Variants in IL6R observed in about 807,000 individuals in gnomAD.
IL6R encodes interleukin 6 receptor, also known as interleukin-6 receptor subunit alpha.
IL6R carries 38 observed loss-of-function variants against 48.3 expected under a neutral mutation model. The ratio of observed to expected loss-of-function variants is 0.79; its 90% CI spans 0.61 to 1.03. The LOEUF is 1.03. Ranked by LOEUF, IL6R falls within the 50% of genes least tolerant of loss-of-function variation. The probability of loss-of-function intolerance (pLI) is 0.00; values close to 1 mark genes in which losing one functional copy is unlikely to be tolerated. For missense variants in IL6R, 534 were observed against 618.3 expected, an observed-to-expected ratio of 0.86 and a Z score of 1.45; for synonymous variants, 264 against 256.2, an observed-to-expected ratio of 1.03 and a Z score of -0.29.
chr1:154,435,138 G>T lies in IL6R; in HGVS notation c.789G>T (p.Lys263Asn), dbSNP rs747433612. The part of the protein sequence containing the change: ...FELRYRAERS[K>N]TFTTWMVKDL... ...TCAGATATCGGGCTGAACGGTCAAA[G>T]ACATTCACAACATGGATGGTAAATT... is the stretch of plus-strand genomic sequence containing the variant. Residue 263 changes from lysine (K) to asparagine (N), a missense_variant, in exon 5 of 10, where the codon AAG (lysine) becomes AAT (asparagine). Lys to Asn is a moderately conservative substitution (Grantham distance 94). Transcript: ENST00000368485. 3 of 1,614,162 alleles carry T rather than the reference G, an allele frequency of 1.9e-6. No homozygotes were observed. In the South Asian group the frequency reaches 3.3e-5, roughly 18 times the overall value.
chr1:154,432,956 A>G (rs559316247), intron 3 of IL6R, among the ~76,000 whole-genome samples: 6 of 152,218 alleles, frequency 3.9e-5, no homozygotes, highest in South Asian at 2.1e-4. Flanking sequence ...CCCTTGCCCA[A>G]CTGCAGCACT....
intron 1 of IL6R, among the ~76,000 whole-genome samples, chr1:154,409,985 A>G (rs959226811): frequency 2.2e-4 from 33 of 152,306 alleles, no homozygotes; most frequent in East Asian, 3.9e-4. Context: ...GAGATTCCCT[A>G]TATGTCCATC....
intron 9 of IL6R, among the ~76,000 whole-genome samples, chr1:154,464,389 AGGT>A (rs1191590432): frequency 6.6e-6 from 1 of 152,022 alleles, no homozygotes; most frequent in Non-Finnish European, 1.5e-5. Flanking sequence ...TCCTGACCTC[AGGT>A]GATCCGCCCG....
intron 6 of IL6R, chr1:154,437,397 G>C: frequency 2.8e-6 from 1 of 358,696 alleles, no homozygotes; most frequent in Non-Finnish European, 5.9e-6. Flanking sequence ...GTGCCCGGTC[G>C]GAAATTTTTT....
At chr1:154,431,040 C>A (rs1021246685) in intron 3 of IL6R, among the ~76,000 whole-genome samples, 4 of 152,168 alleles carry the variant, frequency 2.6e-5, no homozygotes, top group Admixed American at 1.3e-4. Flanking sequence ...GGGGGTGTAG[C>A]ACAGCCAGAC....
chr1:154,434,400 C>T (rs1452020583), intron 3 of IL6R, 119 bp from the exon 4 acceptor site: 6 of 772,896 alleles, frequency 7.8e-6, no homozygotes, highest in Non-Finnish European at 1.3e-5. Flanking sequence ...CTTAGAGGCA[C>T]AGGGCTTATA....
chr1:154,431,919 AG>A (rs1456109672), intron 3 of IL6R, among the ~76,000 whole-genome samples: 1 of 152,176 alleles, frequency 6.6e-6, no homozygotes, highest in African/African-American at 2.4e-5. Flanking sequence ...AAATTTCTGA[AG>A]TGATTATTTA....
chr1:154,426,155 G>A (rs1315382450), intron 1 of IL6R, among the ~76,000 whole-genome samples: 1 of 108,286 alleles, frequency 9.2e-6, no homozygotes, highest in Non-Finnish European at 1.9e-5. Context: ...CTGAGACCCT[G>A]TATCAGACAC....
rs7354845 is a variant in IL6R, at chr1:154,462,798, T to A, written c.1161-2336T>A. On this transcript the variant is annotated intron_variant, in intron 9 of 9. Coordinates refer to ENST00000368485, the MANE Select transcript of IL6R (RefSeq NM_000565.4). ...TTATTTGGGTGTTATTTTGCTTTTA[T>A]TTAATTAATTAATTAATTTATTTAT... Among the ~76,000 whole-genome samples the A allele has an allele frequency of 8.4e-3, 1,274 of 152,256 alleles. 26 individuals are homozygous for A. Among genetic ancestry groups the A allele is most frequent in the African/African-American group, 0.029 (1,194 of 41,532 alleles).
intron 6 of IL6R, among the ~76,000 whole-genome samples, chr1:154,437,839 G>T (rs1312295758): frequency 6.6e-6 from 1 of 151,024 alleles, no homozygotes; most frequent in African/African-American, 2.4e-5. Context: ...TCAGCCTCCT[G>T]AGTAGCTGGG....
At chr1:154,416,797 A>C (rs1462550678) in intron 1 of IL6R, among the ~76,000 whole-genome samples, 6 of 152,120 alleles carry the variant, frequency 3.9e-5, no homozygotes, top group African/African-American at 1.4e-4. Context: ...ACACCTACGA[A>C]AGAGTGTGGT....
At chr1:154,445,623 G>A (rs1409699919) in intron 6 of IL6R, among the ~76,000 whole-genome samples, 10 of 152,086 alleles carry the variant, frequency 6.6e-5, no homozygotes, top group South Asian at 2.1e-4. Context: ...GGTGGTGGGC[G>A]CCTGTAGTCC....
At chr1:154,450,104 C>CTGTGTGTATGTGTG (rs1553310147) in intron 8 of IL6R, 124 bp downstream of exon 8, 4,958 of 480,808 alleles carry the variant, frequency 0.01, 212 homozygotes, top group African/African-American at 0.095. Context: ...CAGAAATGTT[C>CTGTGTGTATGTGTG]TGTGTGTGTG....
intron 6 of IL6R, among the ~76,000 whole-genome samples, chr1:154,447,330 T>C (rs1006832296): frequency 6.7e-6 from 1 of 148,156 alleles, no homozygotes; most frequent in Non-Finnish European, 1.5e-5. Flanking sequence ...TCCCAACTAC[T>C]TGGGAGGCTG....
chr1:154,451,157 A>G (rs1690557741), intron 8 of IL6R, among the ~76,000 whole-genome samples: 1 of 152,200 alleles, frequency 6.6e-6, no homozygotes, highest in South Asian at 2.1e-4. Flanking sequence ...CAGAAAGCTC[A>G]TGGAGGAAGT....
At chr1:154,460,942 T>C (rs1445779579) in intron 9 of IL6R, among the ~76,000 whole-genome samples, 1 of 152,178 alleles carries the variant, frequency 6.6e-6, no homozygotes, top group African/African-American at 2.4e-5. Flanking sequence ...CAGAGACCGG[T>C]AGTGGCCCCG....
intron 1 of IL6R, among the ~76,000 whole-genome samples, chr1:154,416,900 G>A (rs940979880): frequency 2.0e-5 from 3 of 152,088 alleles, no homozygotes; most frequent in Admixed American, 2.0e-4. Context: ...GCATCCTCAG[G>A]GGAGCCCTGA....
intron 1 of IL6R, among the ~76,000 whole-genome samples, chr1:154,421,108 G>A (rs1688635210): frequency 6.6e-6 from 1 of 152,196 alleles, no homozygotes; most frequent in Non-Finnish European, 1.5e-5. Context: ...ATGTGACCCT[G>A]GCCTTGGCGC....
intron 7 of IL6R, 146 bp downstream of exon 7, chr1:154,448,317 T>G: frequency 1.5e-6 from 1 of 667,384 alleles, no homozygotes; most frequent in South Asian, 1.7e-5. Flanking sequence ...TTTTCAAACC[T>G]CTGTGAAAGG....
Sources: allele counts gnomAD v4.1 joint callset (sites outside exome capture counted in the v4.1 genomes callset), GRCh38; gene constraint gnomAD v4.1.1; transcripts MANE v1.5; gene names NCBI Gene and HGNC (gene_info 2026-07-23, HGNC 2026-07-21).